The following ZP2 variants were observed in gnomAD, a reference collection of about 807,000 sequenced individuals.
ZP2 encodes zona pellucida sperm-binding protein 2.
A neutral mutation model predicts 84.0 loss-of-function variants in ZP2; 51 were observed. That is an observed-to-expected ratio of 0.61 (90% CI 0.49 to 0.77). ZP2 has a LOEUF of 0.77. Among genes scored for constraint, ZP2 ranks in the 30% least tolerant of loss-of-function variants. The probability of loss-of-function intolerance (pLI) is 0.00; values close to 1 mark genes in which losing one functional copy is unlikely to be tolerated. For synonymous variants in ZP2, 375 were observed against 330.9 expected (o/e 1.13, Z -1.45); for missense variants, 909 against 911.9 (o/e 1.00, Z 0.04).
chr16:21,197,761 C>T lies in ZP2; in HGVS notation c.2095+5G>A. ...TCAGAAGTTTGCAACATTGAATAAA[C>T]TTACCTCGTGAGCCAACCTCCTCCC... On this transcript the variant is annotated splice_donor_5th_base_variant and intron_variant, in intron 18 of 18. Transcript: ENST00000574091. 1.9e-6 allele frequency: 3 copies of T among 1,614,162 alleles called. No homozygotes were observed. The highest frequency in any genetic ancestry group is 2.5e-6 in the Non-Finnish European group (3 of 1,180,014).
chr16:21,202,919 G>A (rs1018126978), intron 10 of ZP2, among the ~76,000 whole-genome samples: 1 of 152,130 alleles, frequency 6.6e-6, no homozygotes, highest in African/African-American at 2.4e-5. Flanking sequence ...TGGAGCAGTT[G>A]CCATAAAACC....
In ZP2 at chr16:21,207,207, G is replaced by A. The variant is rs546782004; in HGVS notation, c.331-217C>T. Among the ~76,000 whole-genome samples, 4 of 152,286 alleles carry A rather than the reference G, an allele frequency of 2.6e-5. No individual in the cohort carries two copies. The East Asian group carries it at 5.8e-4, about 22-fold the overall frequency. On this transcript the variant is annotated intron_variant, in intron 4 of 18. Coordinates refer to ENST00000574091, the MANE Select transcript of ZP2 (RefSeq NM_001376232.1). ...GCCAGTTTTAGCATCAGGAAATGGA[G>A]TTCAGTTTCTATTTCTCTTATGTGT...
In ZP2 at chr16:21,199,613, T is replaced by G. The variant is rs2093215865; in HGVS notation, c.1884A>C (p.Pro628=). 6 of 1,613,472 alleles carry G rather than the reference T, an allele frequency of 3.7e-6. No homozygotes were observed. The highest frequency in any genetic ancestry group is 5.1e-6 in the Non-Finnish European group (6 of 1,179,804). ...LICNRLSPDS[P]LCSVTCPVSS... ...ACACAGGGCAGGTCACAGAACACAG[T>G]GGGGAGTCAGGGGAGAGTCGATTAC... The change falls in exon 16 of 19, where the codon CCA becomes CCC. Residue 628 remains proline, a synonymous_variant. Coordinates refer to ENST00000574091, the MANE Select transcript of ZP2 (RefSeq NM_001376232.1).
intron 5 of ZP2, among the ~76,000 whole-genome samples, 183 bp downstream of exon 5, chr16:21,206,655 A>G (rs2093251100): frequency 1.3e-5 from 2 of 152,328 alleles, no homozygotes; most frequent in Admixed American, 6.5e-5. Flanking sequence ...GGTAAGCATT[A>G]TTGTCCCATC....
chr16:21,197,490 G>A lies in ZP2; in HGVS notation c.2228C>T (p.Ser743Leu), dbSNP rs111820849. ...IYYLYEKRTV[S>L]NH ...TATTTAGAAGCCCATTTAGTGATTTGACACAGTCCTTTTCTCGTACAGGTA... is the reference window on the plus strand; with the variant it reads ...TATTTAGAAGCCCATTTAGTGATTTAACACAGTCCTTTTCTCGTACAGGTA... The change falls in exon 19 of 19, where the codon TCA becomes TTA. Residue 743 changes from serine (S) to leucine (L), a missense_variant. Coordinates refer to ENST00000574091, the MANE Select transcript of ZP2 (RefSeq NM_001376232.1). The A allele has an allele frequency of 4.5e-5, 73 of 1,614,104 alleles. No individual in the cohort carries two copies. The African/African-American group carries it at 6.1e-4, about 14-fold the overall frequency.
chr16:21,201,962 G>C lies in ZP2; in HGVS notation c.1349C>G (p.Pro450Arg). 1 of 1,613,974 alleles carries C rather than the reference G, an allele frequency of 6.2e-7. No homozygotes were observed. Reference protein sequence around the residue: ...EIHALWTDFPPSKISRDSEFR... With the variant: ...EIHALWTDFPRSKISRDSEFR... ...CTCACTGTCTCTAGATATTTTGCTT[G>C]GAGGAAAATCCGTCCAGAGAGCATG... Residue 450 changes from proline (P) to arginine (R), a missense_variant, in exon 12 of 19, where the codon CCA (proline) becomes CGA (arginine). By Grantham distance (103) the Pro-to-Arg change is moderately radical. Transcript: ENST00000574091.
At position 21,201,750 on chromosome 16, in the gene ZP2, G is replaced by C. The variant is rs1267426137; in HGVS notation, c.1460C>G (p.Ser487Ter). The change falls in exon 13 of 19, where the codon TCA becomes TGA. Residue 487 changes from serine (S) to a stop codon, truncating the protein, a stop_gained. Transcript: ENST00000574091. LOFTEE classifies it high-confidence loss of function. ...NVESLTPPVA[S>*]VKLGPFTLIL... ...CAAGGTAAATGGACCCAACTTCACTGAGGCCACTGGAGGAGTAAGGCTTTC... is the reference window on the plus strand; with the variant it reads ...CAAGGTAAATGGACCCAACTTCACTCAGGCCACTGGAGGAGTAAGGCTTTC... 6.2e-7 allele frequency: 1 copy of C among 1,614,092 alleles called. No homozygotes were observed. The highest frequency in any genetic ancestry group is 8.5e-7 in the Non-Finnish European group (1 of 1,180,024).
At chr16:21,204,623 C>G (rs2093241464) in intron 7 of ZP2, among the ~76,000 whole-genome samples, 1 of 152,186 alleles carries the variant, frequency 6.6e-6, no homozygotes, top group Admixed American at 6.5e-5. Context: ...CACCTGTAGC[C>G]AATGACTTCT....
At chr16:21,203,318 G>A in intron 9 of ZP2, 67 bp from the exon 10 acceptor site, 2 of 1,596,640 alleles carry the variant, frequency 1.3e-6, no homozygotes, top group Admixed American at 1.7e-5. Context: ...CAGGGAGGCA[G>A]GAAGCAAGTC....
rs1567212828 is a variant in ZP2 at position 21,201,735 on chromosome 16, G to A, written c.1475C>T (p.Pro492Leu). The change falls in exon 13 of 19, where the codon CCA becomes CTA. Residue 492 changes from proline (P) to leucine (L), a missense_variant. Pro to Leu is a moderately conservative substitution (Grantham distance 98). Transcript: ENST00000574091. The part of the protein sequence containing the change: ...TPPVASVKLG[P>L]FTLILQSYPD... ...GTAGCTTTGCAGGATCAAGGTAAATGGACCCAACTTCACTGAGGCCACTGG... is the reference window on the plus strand; with the variant it reads ...GTAGCTTTGCAGGATCAAGGTAAATAGACCCAACTTCACTGAGGCCACTGG... 5.0e-6 allele frequency: 8 copies of A among 1,613,922 alleles called. No homozygotes were observed. The highest frequency in any genetic ancestry group is 5.9e-6 in the Non-Finnish European group (7 of 1,180,022).
At chr16:21,208,157 C>A (rs988219118) in intron 4 of ZP2, among the ~76,000 whole-genome samples, 1 of 152,174 alleles carries the variant, frequency 6.6e-6, no homozygotes, top group Non-Finnish European at 1.5e-5. Context: ...TTCTAGGCTG[C>A]AGTGAGCCAT....
intron 4 of ZP2, among the ~76,000 whole-genome samples, 194 bp from the exon 5 acceptor site, chr16:21,207,184 C>T (rs1195921758): frequency 6.6e-6 from 1 of 152,124 alleles, no homozygotes; most frequent in East Asian, 1.9e-4. Context: ...GCTGATAGGC[C>T]AGTTTTAGCA....
chr16:21,208,857 T>A (rs551797729), intron 4 of ZP2, among the ~76,000 whole-genome samples: 11 of 152,268 alleles, frequency 7.2e-5, no homozygotes, highest in Admixed American at 5.9e-4. Context: ...ATTACCCCCA[T>A]GGAGCAGGCA....
At chr16:21,212,475 T>C (rs576601881), upstream of ZP2, among the ~76,000 whole-genome samples, 200 of 152,372 alleles carry the variant, frequency 1.3e-3, 1 homozygote, top group Middle Eastern at 0.02. Flanking sequence ...ACAATTTTTT[T>C]AAAACACTGG....
In ZP2 at chr16:21,201,812, A is replaced by G. The variant is rs150078092; in HGVS notation, c.1398T>C (p.Ser466=). The stretch of plus-strand genomic sequence containing the variant: ...TTAGTAGCATGTCATTCCTGCTATA[A>G]GAACACTTCACTGTCATTCTGTAAG... ...DSEFRMTVKC[S]YSRNDMLLNI... is the part of the protein sequence containing the mutation. Residue 466 remains serine, a synonymous_variant, in exon 13 of 19, where the codon TCT becomes TCC. Coordinates refer to ENST00000574091, the MANE Select transcript of ZP2 (RefSeq NM_001376232.1). 166 of 1,614,168 alleles carry G rather than the reference A, an allele frequency of 1.0e-4. No individual in the cohort carries two copies. The African/African-American group carries it at 1.7e-3, about 17-fold the overall frequency.
intron 4 of ZP2, among the ~76,000 whole-genome samples, chr16:21,207,408 T>G (rs1393969948): frequency 3.3e-5 from 5 of 152,128 alleles, no homozygotes. Flanking sequence ...CAGCCAACCT[T>G]TTTCCATTAT....
intron 10 of ZP2, among the ~76,000 whole-genome samples, chr16:21,202,574 G>C (rs1400436667): frequency 6.6e-6 from 1 of 152,180 alleles, no homozygotes; most frequent in African/African-American, 2.4e-5. Flanking sequence ...TCCTGATGAA[G>C]GGCAGGAGTT....
chr16:21,209,967 C>A (rs1567217175), intron 3 of ZP2, 142 bp downstream of exon 3: 1 of 785,352 alleles, frequency 1.3e-6, no homozygotes, highest in East Asian at 2.6e-5. Context: ...TGGCTTCATG[C>A]AAATCAGGTA....
At chr16:21,203,973 A>G in intron 9 of ZP2, 57 bp downstream of exon 9, 1 of 1,593,346 alleles carries the variant, frequency 6.3e-7, no homozygotes, top group Non-Finnish European at 8.5e-7. Context: ...GACTACCCAC[A>G]AGAGTATACT....
Sources: allele counts gnomAD v4.1 joint callset (sites outside exome capture counted in the v4.1 genomes callset), GRCh38; gene constraint gnomAD v4.1.1; transcripts MANE v1.5; gene names NCBI Gene and HGNC (gene_info 2026-07-23, HGNC 2026-07-21).